Variants in QKI observed in about 807,000 individuals in gnomAD.
The protein encoded by QKI is KH domain-containing RNA-binding protein QKI.
QKI carries 10 observed loss-of-function variants against 39.0 expected under a neutral mutation model. That is an observed-to-expected ratio of 0.26 (90% CI 0.16 to 0.43). QKI has a LOEUF of 0.43. Ranked by LOEUF, QKI falls within the 20% of genes least tolerant of loss-of-function variation. The pLI is 1.00. For missense variants in QKI, 218 were observed against 428.0 expected (o/e 0.51, Z 4.33); for synonymous variants, 204 against 155.4 (o/e 1.31, Z -2.33).
chr6:163,573,643 CTT>C lies in QKI; in HGVS notation c.*2938_*2939del, dbSNP rs1355689504. The C allele has an allele frequency of 1.3e-5, 2 of 152,038 alleles. No individual in the cohort carries two copies. Among genetic ancestry groups the C allele is most frequent in the African/African-American group, 4.8e-5 (2 of 41,406 alleles). The allele number at this position is 152,038 out of a possible 1,614,324, so 9.4% of individuals were successfully genotyped here. ...TACTTTATTATATTGGGTGTCTTGT[CTT>C]TTTTGGGCTTTTAGTTAGCTAATGA... On this transcript the variant is annotated 3_prime_UTR_variant, in exon 8 of 8. Coordinates refer to ENST00000361752, the MANE Select transcript of QKI (RefSeq NM_006775.3).
At chr6:163,467,767 A>G (rs1271851631) in intron 2 of QKI, among the ~76,000 whole-genome samples, 1 of 152,174 alleles carries the variant, frequency 6.6e-6, no homozygotes, top group African/African-American at 2.4e-5. Flanking sequence ...AACACAAGAC[A>G]TTTTGGTATA....
intron 4 of QKI, among the ~76,000 whole-genome samples, chr6:163,546,808 CTA>C (rs928917586): frequency 1.7e-4 from 26 of 151,986 alleles, no homozygotes; most frequent in Admixed American, 1.5e-3. Flanking sequence ...TTGAAAGTGA[CTA>C]TTAAATTATC....
intron 6 of QKI, chr6:163,565,992 C>CTG (rs1200830177): frequency 1.2e-6 from 2 of 1,612,528 alleles, no homozygotes; most frequent in Non-Finnish European, 8.5e-7. Flanking sequence ...ACGGTCTTAA[C>CTG]TGAACCCTCA....
At chr6:163,492,747 G>T (rs1371122233) in intron 3 of QKI, among the ~76,000 whole-genome samples, 1 of 152,094 alleles carries the variant, frequency 6.6e-6, no homozygotes, top group East Asian at 1.9e-4. Context: ...TGTTATCTCA[G>T]TAGTGAGATT....
chr6:163,500,243 A>G (rs1014873064), intron 3 of QKI, among the ~76,000 whole-genome samples: 2 of 152,260 alleles, frequency 1.3e-5, no homozygotes, highest in East Asian at 1.9e-4. Flanking sequence ...GGATGATATG[A>G]TATTTATTTT....
chr6:163,491,894 A>G (rs1242016180), intron 3 of QKI, among the ~76,000 whole-genome samples: 1 of 152,200 alleles, frequency 6.6e-6, no homozygotes, highest in Admixed American at 6.5e-5. Flanking sequence ...TAACTCCAGG[A>G]TGAGTTAATT....
intron 3 of QKI, among the ~76,000 whole-genome samples, chr6:163,524,247 TTA>T (rs1321538288): frequency 6.6e-6 from 1 of 152,232 alleles, no homozygotes; most frequent in African/African-American, 2.4e-5. Flanking sequence ...TGTGTCTTTA[TTA>T]AGCTTTTTCT....
chr6:163,516,488 T>A lies in QKI; in HGVS notation c.403-18494T>A, dbSNP rs564707780. On this transcript the variant is annotated intron_variant, in intron 3 of 7. Coordinates refer to ENST00000361752, the MANE Select transcript of QKI (RefSeq NM_006775.3). ...TTTTGTATTTTTAGTAGAGACAGGG[T>A]TTCACCATGTTGGCCAGGATGGTCT... Among the ~76,000 whole-genome samples the A allele has an allele frequency of 1.5e-4, 23 of 152,144 alleles. No homozygotes were observed. The East Asian group carries it at 3.9e-3, about 26-fold the overall frequency.
chr6:163,479,463 C>G (rs987890242), intron 3 of QKI, among the ~76,000 whole-genome samples: 3 of 152,154 alleles, frequency 2.0e-5, no homozygotes, highest in Admixed American at 6.5e-5. Flanking sequence ...CCTCCGCTTT[C>G]TGCATTCAAG....
intron 3 of QKI, among the ~76,000 whole-genome samples, chr6:163,492,729 ATAAT>A (rs1268594863): frequency 6.6e-6 from 1 of 152,152 alleles, no homozygotes; most frequent in African/African-American, 2.4e-5. Context: ...TGTTTGAATA[ATAAT>A]TTGTGTTATC....
At chr6:163,532,366 GA>G (rs1780920847) in intron 3 of QKI, among the ~76,000 whole-genome samples, 1 of 152,150 alleles carries the variant, frequency 6.6e-6, no homozygotes, top group African/African-American at 2.4e-5. Flanking sequence ...GATTGGGGGG[GA>G]GGTGGTCTCA....
intron 3 of QKI, among the ~76,000 whole-genome samples, chr6:163,508,264 A>C (rs1311231024): frequency 6.6e-6 from 1 of 152,198 alleles, no homozygotes; most frequent in Non-Finnish European, 1.5e-5. Context: ...TGAAAGACAT[A>C]AATATGCAAA....
chr6:163,422,460 G>C lies in QKI; in HGVS notation c.142+7125G>C, dbSNP rs1349065549. On this transcript the variant is annotated intron_variant, in intron 1 of 7. Transcript: ENST00000361752. The stretch of plus-strand genomic sequence containing the variant: ...AGAACATAATTAGTCGGATGTGGTG[G>C]TGTGTGCCTGTAGTCCCAGCTACTT... Among the ~76,000 whole-genome samples, 4 of 152,280 alleles carry C rather than the reference G, an allele frequency of 2.6e-5. 1 individual carries two copies. The highest frequency in any genetic ancestry group is 6.5e-5 in the Admixed American group (1 of 15,302).
At chr6:163,464,210 C>T (rs1314639016) in intron 2 of QKI, among the ~76,000 whole-genome samples, 3 of 151,798 alleles carry the variant, frequency 2.0e-5, no homozygotes, top group African/African-American at 7.3e-5. Context: ...CAATACATAG[C>T]CCATAGAAGA....
At position 163,417,029 on chromosome 6, in the gene QKI, A is replaced by T. The variant is rs539351628; in HGVS notation, c.142+1694A>T. On this transcript the variant is annotated intron_variant, in intron 1 of 7. Coordinates refer to ENST00000361752, the MANE Select transcript of QKI (RefSeq NM_006775.3). ...ATGGTTGGAACAAAATGTGTAACATACTCAATCTGACTGACCTATATTAAA... is the reference window on the plus strand; with the variant it reads ...ATGGTTGGAACAAAATGTGTAACATTCTCAATCTGACTGACCTATATTAAA... Among the ~76,000 whole-genome samples the T allele has an allele frequency of 3.7e-4, 57 of 152,316 alleles. 1 individual carries two copies. In the South Asian group the frequency reaches 0.012, roughly 31 times the overall value.
At chr6:163,531,007 A>G (rs1245115174) in intron 3 of QKI, among the ~76,000 whole-genome samples, 2 of 151,896 alleles carry the variant, frequency 1.3e-5, no homozygotes, top group South Asian at 2.1e-4. Flanking sequence ...CTCTAATATT[A>G]TACAGTTCTG....
At chr6:163,517,369 A>G (rs1029216814) in intron 3 of QKI, among the ~76,000 whole-genome samples, 19 of 152,140 alleles carry the variant, frequency 1.2e-4, no homozygotes, top group African/African-American at 4.6e-4. Context: ...TCTTAATTAC[A>G]TCTGCAGAAT....
At chr6:163,569,215 C>T (rs1783557269) in intron 7 of QKI, 1 of 961,166 alleles carries the variant, frequency 1.0e-6, no homozygotes. Context: ...TTAAGAAATT[C>T]AGGGAAGATT....
At chr6:163,536,047 C>T (rs1362953622) in intron 4 of QKI, among the ~76,000 whole-genome samples, 1 of 152,130 alleles carries the variant, frequency 6.6e-6, no homozygotes, top group Non-Finnish European at 1.5e-5. Context: ...ATAGCCTATT[C>T]TTTATTACCC....
Sources: allele counts gnomAD v4.1 joint callset (sites outside exome capture counted in the v4.1 genomes callset), GRCh38; gene constraint gnomAD v4.1.1; transcripts MANE v1.5; gene names NCBI Gene and HGNC (gene_info 2026-07-23, HGNC 2026-07-21).